Variants in PCDHA5 observed in about 807,000 individuals in gnomAD.
The protein encoded by PCDHA5 is protocadherin alpha-5.
Under a neutral mutation model 61.6 loss-of-function variants are expected in PCDHA5, and 43 were observed. The ratio of observed to expected loss-of-function variants is 0.70; its 90% CI spans 0.55 to 0.90. The LOEUF (loss-of-function observed/expected upper bound fraction) is 0.90, where lower values mean the gene tolerates loss of function less well. PCDHA5 is among the 40% of genes least tolerant of loss of function. The probability of loss-of-function intolerance (pLI) is 0.00; values close to 1 mark genes in which losing one functional copy is unlikely to be tolerated. For synonymous variants in PCDHA5, 627 were observed against 543.9 expected (o/e 1.15, Z -2.13); for missense variants, 1,298 against 1,222.7 (o/e 1.06, Z -0.92).
At chr5:140,836,011 C>T (rs2150250556) in intron 1 of PCDHA5, 2 of 1,613,394 alleles carry the variant, frequency 1.2e-6, no homozygotes, top group East Asian at 2.2e-5. Flanking sequence ...GCGGGCGTGC[C>T]GCCTCTGGGC....
At position 140,822,689 on chromosome 5, in the gene PCDHA5, G is replaced by T; in HGVS notation, c.914G>T (p.Gly305Val). 1 of 1,609,690 alleles carries T rather than the reference G, an allele frequency of 6.2e-7. No individual in the cohort carries two copies. Among genetic ancestry groups the T allele is most frequent in the South Asian group, 1.1e-5 (1 of 90,804 alleles). The change falls in exon 1 of 4, where the codon GGG (glycine) becomes GTG (valine). Residue 305 changes from glycine to valine, a missense_variant. Gly to Val is a moderately radical substitution (Grantham distance 109). Transcript: ENST00000529859. ...NSNTGEIKVN[G>V]ELDYEDYNSY... ...AATACTGGTGAAATAAAAGTTAACG[G>T]GGAACTGGATTATGAAGACTATAAC...
intron 3 of PCDHA5, among the ~76,000 whole-genome samples, chr5:140,983,123 G>A (rs781811003): frequency 2.0e-5 from 3 of 152,198 alleles, no homozygotes; most frequent in Non-Finnish European, 4.4e-5. Flanking sequence ...ACAACATTCT[G>A]CAGACTGACT....
At chr5:140,851,199 C>T in intron 1 of PCDHA5, 2 of 1,195,966 alleles carry the variant, frequency 1.7e-6, no homozygotes, top group Non-Finnish European at 2.1e-6. Context: ...AGTTGTTAGT[C>T]ATTCATTAAA....
chr5:140,941,214 C>CTTTCTTTCTTT (rs1554214039), intron 1 of PCDHA5, among the ~76,000 whole-genome samples: 7,707 of 122,054 alleles, frequency 0.063, 376 homozygotes, highest in South Asian at 0.093. Context: ...TTTCTTTCTT[C>CTTTCTTTCTTT]CTTTCTTTCT....
chr5:140,884,123 C>A (rs1360744073), intron 1 of PCDHA5: 4 of 1,613,232 alleles, frequency 2.5e-6, no homozygotes, highest in Non-Finnish European at 3.4e-6. Context: ...GGTCGGCGCG[C>A]GCATCCCGTT....
rs1554131658 is a variant in PCDHA5 at position 140,828,947 on chromosome 5, G to T, written c.2352+4820G>T. 6.2e-7 allele frequency: 1 copy of T among 1,614,120 alleles called. No individual in the cohort carries two copies. The highest frequency in any genetic ancestry group is 1.3e-5 in the African/African-American group (1 of 74,944). On this transcript the variant is annotated intron_variant, in intron 1 of 3. Transcript: ENST00000529859. Reference sequence around the variant, plus strand: ...TTCATATTCTTTTAATAGCCTTGTTGCAGCCATGGTTATTGACCACTTTAG... The same window carrying T: ...TTCATATTCTTTTAATAGCCTTGTTTCAGCCATGGTTATTGACCACTTTAG...
At chr5:140,953,408 TG>T (rs782455726) in intron 1 of PCDHA5, among the ~76,000 whole-genome samples, 5 of 152,168 alleles carry the variant, frequency 3.3e-5, no homozygotes, top group Non-Finnish European at 5.9e-5. Context: ...CTGTTGCTCC[TG>T]GCTCCTCCCC....
rs559156187 is a variant in PCDHA5 at position 140,858,121 on chromosome 5, G to A, written c.2352+33994G>A. On this transcript the variant is annotated intron_variant, in intron 1 of 3. Coordinates refer to ENST00000529859, the MANE Select transcript of PCDHA5 (RefSeq NM_018908.3). ...TGGGCGTGGCGCCCGAGGTGGCCCTGGTGGATGTCAACGTGTACCTGATCA... is the reference window on the plus strand; with the variant it reads ...TGGGCGTGGCGCCCGAGGTGGCCCTAGTGGATGTCAACGTGTACCTGATCA... 7 of 1,597,864 alleles carry A rather than the reference G, an allele frequency of 4.4e-6. No individual in the cohort carries two copies. The South Asian group carries it at 5.5e-5, about 13-fold the overall frequency.
chr5:140,922,176 CAA>C lies in PCDHA5; in HGVS notation c.2353-56765_2353-56764del, dbSNP rs3836750. ...CAAAAACAACAAAAAGTACAGCAGACAAAAAAAAAGTCTTATCTTTAATGAAA... is the reference window on the plus strand; with the variant it reads ...CAAAAACAACAAAAAGTACAGCAGACAAAAAAAGTCTTATCTTTAATGAAA... On this transcript the variant is annotated intron_variant, in intron 1 of 3. Coordinates refer to ENST00000529859, the MANE Select transcript of PCDHA5 (RefSeq NM_018908.3). 2.6e-3 allele frequency among the ~76,000 whole-genome samples: 394 copies of C among 150,816 alleles called. 1 individual carries two copies. The highest frequency in any genetic ancestry group is 9.1e-3 in the African/African-American group (376 of 41,132).
intron 1 of PCDHA5, chr5:140,861,630 G>A (rs2047000934): frequency 6.3e-6 from 2 of 317,346 alleles, no homozygotes; most frequent in Admixed American, 6.9e-5. Flanking sequence ...AGTGTTCTCA[G>A]CAACACAAAA....
At position 140,873,044 on chromosome 5, in the gene PCDHA5, A is replaced by T. The variant is rs115529200; in HGVS notation, c.2352+48917A>T. Among the ~76,000 whole-genome samples, 1,019 of 152,290 alleles carry T rather than the reference A, an allele frequency of 6.7e-3. 5 individuals are homozygous for T. Among genetic ancestry groups the T allele is most frequent in the Admixed American group, 0.012 (189 of 15,302 alleles). On this transcript the variant is annotated intron_variant, in intron 1 of 3. Coordinates refer to ENST00000529859, the MANE Select transcript of PCDHA5 (RefSeq NM_018908.3). ...TTCTTACTACACGTAGAGTGGTGGT[A>T]TTACAGACTTTCTTGAGAATCATAT...
intron 1 of PCDHA5, chr5:140,830,245 C>T (rs2150183338): frequency 2.0e-5 from 32 of 1,613,950 alleles, no homozygotes; most frequent in Admixed American, 3.3e-5. Flanking sequence ...TACTGCTGTA[C>T]ACAGCGCTGC....
intron 2 of PCDHA5, among the ~76,000 whole-genome samples, chr5:140,980,144 T>C (rs2096877989): frequency 6.6e-6 from 1 of 152,172 alleles, no homozygotes; most frequent in Admixed American, 6.6e-5. Flanking sequence ...GAAACATTCA[T>C]GCATATACCA....
chr5:140,915,513 A>T (rs2077156707), intron 1 of PCDHA5, among the ~76,000 whole-genome samples: 2 of 152,124 alleles, frequency 1.3e-5, no homozygotes, highest in African/African-American at 2.4e-5. Context: ...GTTTTTGCAG[A>T]CTAGTAGAGG....
chr5:140,870,455 C>A, intron 1 of PCDHA5: 6 of 1,614,246 alleles, frequency 3.7e-6, no homozygotes, highest in Non-Finnish European at 5.1e-6. Context: ...AACGACAATG[C>A]GCCTGCGTTC....
At chr5:140,863,008 T>A (rs782045594) in intron 1 of PCDHA5, 1 of 551,826 alleles carries the variant, frequency 1.8e-6, no homozygotes, top group Non-Finnish European at 3.6e-6. Context: ...ACTCCAGCTA[T>A]GACGCCTGGT....
chr5:140,871,255 A>G (rs201468806), intron 1 of PCDHA5: 9 of 1,613,976 alleles, frequency 5.6e-6, no homozygotes, highest in Non-Finnish European at 7.6e-6. Context: ...GCTGCTGTAT[A>G]CGGCGCTGTG....
intron 1 of PCDHA5, among the ~76,000 whole-genome samples, chr5:140,880,789 A>G (rs917582554): frequency 1.3e-5 from 2 of 152,230 alleles, no homozygotes; most frequent in African/African-American, 4.8e-5. Flanking sequence ...TAGAGGAGTA[A>G]TATAAATAGG....
rs141258804 is a variant in PCDHA5, at chr5:140,857,118, C to T, written c.2352+32991C>T. ...GTGATTGTCACTTCTCTGTCTCTCC[C>T]AGTGAAAGAAGATGCTCAAGTGGGC... On this transcript the variant is annotated intron_variant, in intron 1 of 3. Transcript: ENST00000529859. 2.7e-5 allele frequency: 43 copies of T among 1,597,878 alleles called. 6 individuals are homozygous for T. Among genetic ancestry groups the T allele is most frequent in the Non-Finnish European group, 3.3e-5 (38 of 1,167,604 alleles).
Sources: gnomAD v4.1 joint callset for allele counts (sites outside exome capture counted in the v4.1 genomes callset) on GRCh38, gnomAD v4.1.1 for gene constraint, MANE v1.5 for transcripts, NCBI Gene and HGNC (gene_info 2026-07-23, HGNC 2026-07-21) for gene names.